The following PTGFRN variants were observed in gnomAD, a reference collection of about 807,000 sequenced individuals.
PTGFRN encodes prostaglandin F2 receptor inhibitor, also known as prostaglandin F2 receptor negative regulator.
In PTGFRN, 35 loss-of-function variants were observed where a neutral mutation model predicts 83.2. That is an observed-to-expected ratio of 0.42 (90% CI 0.32 to 0.56). The LOEUF is 0.56. Among genes scored for constraint, PTGFRN ranks in the 20% least tolerant of loss-of-function variants. The pLI, the probability that PTGFRN is intolerant of heterozygous loss-of-function variation, is 0.11. For synonymous variants in PTGFRN, 519 were observed against 498.6 expected (o/e 1.04, Z -0.55); for missense variants, 1,051 against 1,179.5 (o/e 0.89, Z 1.60).
At position 116,923,780 on chromosome 1, in the gene PTGFRN, G is replaced by A. The variant is rs897263349; in HGVS notation, c.49+13528G>A. On this transcript the variant is annotated intron_variant, in intron 1 of 8. Transcript: ENST00000393203. This position sits in a 1 kb window ranked among gnomAD's most constrained non-coding sequence, Gnocchi z 4.0. ...GCCACATCTGAGCAAAGGGGCAGTA[G>A]TACTGCCGCCTGTAGCGTGGGCCTG... 5.9e-5 allele frequency among the ~76,000 whole-genome samples: 9 copies of A among 152,184 alleles called. No individual in the cohort carries two copies. Among genetic ancestry groups the A allele is most frequent in the Non-Finnish European group, 1.0e-4 (7 of 68,040 alleles).
At chr1:116,968,242 A>G (rs1422252150) in intron 6 of PTGFRN, among the ~76,000 whole-genome samples, 1 of 152,090 alleles carries the variant, frequency 6.6e-6, no homozygotes, top group African/African-American at 2.4e-5. Flanking sequence ...TGAATGTATA[A>G]ATTAATACTT....
chr1:116,962,652 A>G (rs1650696806), intron 5 of PTGFRN, among the ~76,000 whole-genome samples: 1 of 152,136 alleles, frequency 6.6e-6, no homozygotes, highest in Non-Finnish European at 1.5e-5. Context: ...ACATGCTTAT[A>G]TGCTACATTA....
At chr1:116,931,513 A>G (rs1328965058) in intron 1 of PTGFRN, among the ~76,000 whole-genome samples, 5 of 146,236 alleles carry the variant, frequency 3.4e-5, no homozygotes, top group Non-Finnish European at 7.5e-5. Flanking sequence ...TTTTTTTTTA[A>G]TGATTATAAG....
chr1:116,915,373 G>T (rs1395391524), intron 1 of PTGFRN, among the ~76,000 whole-genome samples: 1 of 152,180 alleles, frequency 6.6e-6, no homozygotes, highest in Non-Finnish European at 1.5e-5. Context: ...AACTGCCTCT[G>T]GAAAGCACTG....
intron 4 of PTGFRN, among the ~76,000 whole-genome samples, chr1:116,957,087 T>G (rs1489432651): frequency 1.3e-5 from 2 of 151,350 alleles, no homozygotes; most frequent in Non-Finnish European, 2.9e-5. Context: ...GCTGGCTGTG[T>G]TTGGAACAAG....
intron 1 of PTGFRN, among the ~76,000 whole-genome samples, chr1:116,911,958 A>G (rs1400156886): frequency 2.0e-5 from 3 of 152,212 alleles, no homozygotes; most frequent in African/African-American, 7.2e-5. Context: ...GGTGCACTGT[A>G]CAACTTCGGG....
At chr1:116,978,885 G>A (rs1651232465) in intron 7 of PTGFRN, among the ~76,000 whole-genome samples, 1 of 152,106 alleles carries the variant, frequency 6.6e-6, no homozygotes, top group East Asian at 1.9e-4. Flanking sequence ...CAATCAGGCA[G>A]GAGAAAGAAA....
At chr1:116,944,623 C>G (rs979784868) in intron 2 of PTGFRN, 56 bp from the exon 3 acceptor site, 4 of 1,347,330 alleles carry the variant, frequency 3.0e-6, no homozygotes, top group Admixed American at 3.4e-5. Flanking sequence ...TGGGCTGGCC[C>G]TTGCCGGCTG....
intron 6 of PTGFRN, among the ~76,000 whole-genome samples, chr1:116,973,290 C>T (rs952510361): frequency 1.3e-5 from 2 of 152,110 alleles, no homozygotes; most frequent in African/African-American, 4.8e-5. Context: ...TCCATATACT[C>T]CCAACTCTCC....
At position 116,989,658 on chromosome 1, in the gene PTGFRN, G is replaced by A. The variant is rs886814826; in HGVS notation, c.*2691G>A. ...TAAGCTATGTTCAGATAGAAGCCTCGAAATTCCTGTAAATTGTTTACTTTA... is the reference window on the plus strand; with the variant it reads ...TAAGCTATGTTCAGATAGAAGCCTCAAAATTCCTGTAAATTGTTTACTTTA... On this transcript the variant is annotated 3_prime_UTR_variant, in exon 9 of 9. Transcript: ENST00000393203. 5.2e-5 allele frequency: 8 copies of A among 152,422 alleles called. No individual in the cohort carries two copies. The South Asian group carries it at 6.2e-4, about 12-fold the overall frequency. 9.4% of individuals were successfully genotyped at this position (152,422 alleles called of 1,614,324 possible). A position where few individuals can be genotyped will look rare whatever the true frequency, so the allele number is the denominator to read the frequency against.
intron 1 of PTGFRN, among the ~76,000 whole-genome samples, chr1:116,926,865 G>A (rs1649671428): frequency 6.6e-6 from 1 of 152,162 alleles, no homozygotes. Context: ...AGAAGTGAAG[G>A]CCTAAAAAGG....
Position 116,942,096 on chromosome 1 carries a change from C to CA in PTGFRN, c.418+14dup. 1 of 1,596,988 alleles carries CA rather than the reference C, an allele frequency of 6.3e-7. No individual in the cohort carries two copies. The highest frequency in any genetic ancestry group is 1.1e-5 in the South Asian group (1 of 89,262). ...GTGCAGGTTAAAGGTACAGTCCTCACATGGGCTTGTTATGCCAGGGGCCAG... is the reference window on the plus strand; with the variant it reads ...GTGCAGGTTAAAGGTACAGTCCTCACAATGGGCTTGTTATGCCAGGGGCCAG... On this transcript the variant is annotated intron_variant, in intron 2 of 8. Transcript: ENST00000393203.
Position 116,942,057 on chromosome 1 carries a change from A to T in PTGFRN, c.392A>T (p.Asn131Ile). 6.2e-7 allele frequency: 1 copy of T among 1,613,966 alleles called. No homozygotes were observed. The highest frequency in any genetic ancestry group is 8.5e-7 in the Non-Finnish European group (1 of 1,179,864). The change falls in exon 2 of 9, where the codon AAC (asparagine) becomes ATC (isoleucine). Residue 131 changes from asparagine (N) to isoleucine (I), a missense_variant. By Grantham distance (149) the Asn-to-Ile change is moderately radical. Around this residue, in one of 3 missense-constraint regions of PTGFRN, gnomAD observed 205 missense variants for 174.5 expected, o/e 1.17. Transcript: ENST00000393203. ...TPSTDATVQG[N>I]YEDTVQVKVL... The stretch of plus-strand genomic sequence containing the variant: ...AGCACAGATGCCACTGTCCAGGGAA[A>T]CTATGAGGACACAGTGCAGGTTAAA...
rs71096893 is a variant in PTGFRN, at chr1:116,983,498, CAAAAAAA to C, written c.2168-1164_2168-1158del. Among the ~76,000 whole-genome samples the C allele has an allele frequency of 4.9e-3, 511 of 104,028 alleles. 3 individuals are homozygous for C. The highest frequency in any genetic ancestry group is 0.016 in the Middle Eastern group (3 of 188). 68.2% of individuals were successfully genotyped at this position (104,028 alleles called of 152,430 possible). ...AGTTTCCTTGGAGAGACACTGGGAA[CAAAAAAA>C]AAAAAAAAAAAAAAAAATTATGCTC... On this transcript the variant is annotated intron_variant, in intron 7 of 8. Coordinates refer to ENST00000393203, the MANE Select transcript of PTGFRN (RefSeq NM_020440.4).
intron 7 of PTGFRN, 31 bp downstream of exon 7, chr1:116,974,354 T>C (rs1442908715): frequency 6.8e-7 from 1 of 1,474,298 alleles, no homozygotes; most frequent in East Asian, 2.3e-5. Context: ...CCCTTCACCA[T>C]GTTGCTTTCT....
In PTGFRN at chr1:116,944,977, T is replaced by C. The variant is rs1001389883; in HGVS notation, c.717T>C (p.Ser239=). The C allele has an allele frequency of 6.2e-7, 1 of 1,613,724 alleles. No homozygotes were observed. The highest frequency in any genetic ancestry group is 8.5e-7 in the Non-Finnish European group (1 of 1,180,030). Reference sequence around the variant, plus strand: ...GCCTCTCAGTGTCCCGGGCTCTGTCTGCCGACCAGGGCTCCTACAGGTGTA... The same window carrying C: ...GCCTCTCAGTGTCCCGGGCTCTGTCCGCCGACCAGGGCTCCTACAGGTGTA... ...AYRLSVSRAL[S]ADQGSYRCIV... Residue 239 remains serine (S), a synonymous_variant, in exon 3 of 9, where the codon TCT becomes TCC. Transcript: ENST00000393203.
At chr1:116,929,761 G>T (rs1649745438) in intron 1 of PTGFRN, among the ~76,000 whole-genome samples, 1 of 152,188 alleles carries the variant, frequency 6.6e-6, no homozygotes, top group Non-Finnish European at 1.5e-5. Context: ...TTTTCTTGCA[G>T]GCAGGGACTG....
At chr1:116,921,276 G>A (rs1384965040) in intron 1 of PTGFRN, among the ~76,000 whole-genome samples, 5 of 152,192 alleles carry the variant, frequency 3.3e-5, no homozygotes, top group Non-Finnish European at 7.3e-5. Context: ...ACTGAGAAGC[G>A]AATATTAGCT....
At chr1:116,978,762 TATC>T (rs2101088652) in intron 7 of PTGFRN, among the ~76,000 whole-genome samples, 1 of 152,284 alleles carries the variant, frequency 6.6e-6, no homozygotes, top group Admixed American at 6.5e-5. Flanking sequence ...CCACAGCTAA[TATC>T]ATACTGAATG....
Sources: allele counts gnomAD v4.1 joint callset (sites outside exome capture counted in the v4.1 genomes callset), GRCh38; gene constraint gnomAD v4.1.1; regional missense constraint gnomAD v4.1.1; non-coding constraint Gnocchi (gnomAD v3.1); transcripts MANE v1.5; gene names NCBI Gene and HGNC (gene_info 2026-07-23, HGNC 2026-07-21).